TTC27: variants seen among roughly 807,000 people sequenced by gnomAD.
TTC27 encodes the protein tetratricopeptide repeat protein 27.
TTC27 carries 79 observed loss-of-function variants against 115.9 expected under a neutral mutation model. That is an observed-to-expected ratio of 0.68 (90% CI 0.57 to 0.82). The LOEUF (loss-of-function observed/expected upper bound fraction) is 0.82, where lower values mean the gene tolerates loss of function less well. Among genes scored for constraint, TTC27 ranks in the 40% least tolerant of loss-of-function variants. The pLI, the probability that TTC27 is intolerant of heterozygous loss-of-function variation, is 0.00. For synonymous variants in TTC27, 401 were observed against 356.0 expected (o/e 1.13, Z -1.42); for missense variants, 1,054 against 993.1 (o/e 1.06, Z -0.82).
chr2:32,796,023 TG>T (rs995052904), intron 16 of TTC27, among the ~76,000 whole-genome samples: 2 of 152,152 alleles, frequency 1.3e-5, no homozygotes, highest in Non-Finnish European at 2.9e-5. Context: ...TAAAATTATC[TG>T]TTTGCAGATG....
intron 10 of TTC27, among the ~76,000 whole-genome samples, chr2:32,716,284 T>C (rs17012131): frequency 2.0e-5 from 3 of 152,202 alleles, no homozygotes; most frequent in Admixed American, 2.0e-4. Context: ...TGCTACAACT[T>C]ATTTAACCAA....
chr2:32,747,905 G>T (rs1668882810), intron 12 of TTC27, among the ~76,000 whole-genome samples: 1 of 151,884 alleles, frequency 6.6e-6, no homozygotes, highest in Non-Finnish European at 1.5e-5. Context: ...TGATTTTAAA[G>T]ATTTAACTTT....
chr2:32,754,834 C>CA (rs1669154229), intron 12 of TTC27, among the ~76,000 whole-genome samples: 1 of 148,642 alleles, frequency 6.7e-6, no homozygotes, highest in African/African-American at 2.5e-5. Context: ...CTGACCCCCC[C>CA]CACCTCCCTC....
chr2:32,811,411 C>CT (rs1414006922), intron 17 of TTC27, among the ~76,000 whole-genome samples, 190 bp downstream of exon 17: 1 of 152,186 alleles, frequency 6.6e-6, no homozygotes, highest in East Asian at 1.9e-4. Context: ...TAACATTCAT[C>CT]TTTTTATTTA....
intron 14 of TTC27, among the ~76,000 whole-genome samples, chr2:32,780,783 C>T (rs971721183): frequency 6.6e-6 from 1 of 150,780 alleles, no homozygotes; most frequent in Non-Finnish European, 1.5e-5. Flanking sequence ...TATAGAAACA[C>T]AGTTGATTTT....
Position 32,628,214 on chromosome 2 carries a change from C to T in TTC27, c.-79C>T, listed in dbSNP as rs1352993772. On this transcript the variant is annotated 5_prime_UTR_variant, in exon 1 of 20. Transcript: ENST00000317907. ...CACTAGATTTCAGCGCCTTTGGACT[C>T]TCCTGTTTTCACTTTCTTTTGTTGA... 2 of 1,385,758 alleles carry T rather than the reference C, an allele frequency of 1.4e-6. No individual in the cohort carries two copies. Among genetic ancestry groups the T allele is most frequent in the Non-Finnish European group, 2.0e-6 (2 of 994,674 alleles). 85.8% of individuals were successfully genotyped at this position (1,385,758 alleles called of 1,614,324 possible).
intron 15 of TTC27, 136 bp from the exon 16 acceptor site, chr2:32,786,848 G>A (rs1447364820): frequency 1.3e-6 from 1 of 751,128 alleles, no homozygotes; most frequent in East Asian, 2.8e-5. Context: ...TGTGTTGTCT[G>A]GGTCTCTAAT....
At chr2:32,690,157 T>C (rs557482053) in intron 9 of TTC27, among the ~76,000 whole-genome samples, 14 of 152,320 alleles carry the variant, frequency 9.2e-5, no homozygotes, top group Non-Finnish European at 5.9e-5. Context: ...GGTTTTGTTA[T>C]AGAACATTTT....
chr2:32,806,729 C>G (rs971015430), intron 16 of TTC27, among the ~76,000 whole-genome samples: 1 of 151,868 alleles, frequency 6.6e-6, no homozygotes, highest in Non-Finnish European at 1.5e-5. Flanking sequence ...TGCAGTGAGC[C>G]AAGATCGCGC....
At chr2:32,730,964 G>A (rs193239663) in intron 10 of TTC27, among the ~76,000 whole-genome samples, 34 of 152,184 alleles carry the variant, frequency 2.2e-4, no homozygotes, top group African/African-American at 5.5e-4. Context: ...CTTAGTTTTC[G>A]TTGATAGTTA....
chr2:32,805,468 G>A (rs1039640305), intron 16 of TTC27, among the ~76,000 whole-genome samples: 1 of 152,138 alleles, frequency 6.6e-6, no homozygotes, highest in South Asian at 2.1e-4. Context: ...TGTAAAGTAG[G>A]GGTAATAAAG....
At chr2:32,786,168 C>G (rs1472126248) in intron 15 of TTC27, among the ~76,000 whole-genome samples, 2 of 151,934 alleles carry the variant, frequency 1.3e-5, no homozygotes, top group Admixed American at 1.3e-4. Context: ...GTTGCCCAGG[C>G]TGGAGTGCAG....
chr2:32,680,342 C>T (rs187390834), intron 9 of TTC27, among the ~76,000 whole-genome samples: 16 of 152,220 alleles, frequency 1.1e-4, no homozygotes, highest in South Asian at 2.1e-4. Context: ...ATAATATATA[C>T]GGGTATTGTA....
At chr2:32,719,408 A>G (rs1034732192) in intron 10 of TTC27, among the ~76,000 whole-genome samples, 2 of 152,310 alleles carry the variant, frequency 1.3e-5, no homozygotes, top group South Asian at 2.1e-4. Context: ...GGTTGACTAT[A>G]TGGGAAACTT....
intron 12 of TTC27, among the ~76,000 whole-genome samples, chr2:32,747,681 C>T (rs1250024013): frequency 6.6e-6 from 1 of 152,102 alleles, no homozygotes; most frequent in Non-Finnish European, 1.5e-5. Context: ...GGTAAATCAT[C>T]ACAATCTATA....
chr2:32,672,398 T>A lies in TTC27; in HGVS notation c.1052+14T>A, dbSNP rs1431136968. ...TCTTGGAATCTGGTGAGTTAATGAC[T>A]GACTTGGCTGCTTTGAACACTTTGC... is the stretch of plus-strand genomic sequence containing the variant. On this transcript the variant is annotated intron_variant, in intron 8 of 19. Transcript: ENST00000317907. 6.3e-7 allele frequency: 1 copy of A among 1,582,292 alleles called. No homozygotes were observed. The highest frequency in any genetic ancestry group is 8.7e-7 in the Non-Finnish European group (1 of 1,151,932).
At chr2:32,674,441 G>A (rs986408888) in intron 8 of TTC27, among the ~76,000 whole-genome samples, 3 of 152,088 alleles carry the variant, frequency 2.0e-5, no homozygotes, top group East Asian at 1.9e-4. Context: ...GTGAGCCACC[G>A]TGCCCAGTCA....
intron 13 of TTC27, among the ~76,000 whole-genome samples, chr2:32,758,960 A>C (rs1244020940): frequency 6.6e-6 from 1 of 152,176 alleles, no homozygotes. Context: ...TTTAAGAAAA[A>C]CGTGTATTTA....
chr2:32,798,021 C>T (rs1200424146), intron 16 of TTC27, among the ~76,000 whole-genome samples: 3 of 151,510 alleles, frequency 2.0e-5, no homozygotes. Context: ...AAAAGATGTG[C>T]AGCACCACTA....
Sources: allele counts gnomAD v4.1 joint callset (sites outside exome capture counted in the v4.1 genomes callset), GRCh38; gene constraint gnomAD v4.1.1; transcripts MANE v1.5; gene names NCBI Gene and HGNC (gene_info 2026-07-23, HGNC 2026-07-21).